Variants in MORC1 observed in about 807,000 individuals in gnomAD.
The protein encoded by MORC1 is MORC family CW-type zinc finger 1, also known as MORC family CW-type zinc finger protein 1.
Under a neutral mutation model 134.9 loss-of-function variants are expected in MORC1, and 59 were observed. That is an observed-to-expected ratio of 0.44 (90% CI 0.35 to 0.54). MORC1 has a LOEUF of 0.54. Ranked by LOEUF, MORC1 falls within the 20% of genes least tolerant of loss-of-function variation. MORC1 has a pLI of 0.00. For synonymous variants in MORC1, 395 were observed against 391.7 expected (o/e 1.01, Z -0.10); for missense variants, 947 against 1,134.5 (o/e 0.83, Z 2.37).
intron 24 of MORC1, 97 bp from the exon 25 acceptor site, chr3:108,971,499 C>A: frequency 1.0e-6 from 1 of 997,418 alleles, no homozygotes; most frequent in South Asian, 1.5e-5. Context: ...TATTAAATAT[C>A]CTGGCAAAGA....
intron 9 of MORC1, among the ~76,000 whole-genome samples, chr3:109,066,332 C>A (rs1576702355): frequency 6.6e-6 from 1 of 150,416 alleles, no homozygotes; most frequent in African/African-American, 2.5e-5. Context: ...GTCGCCCAGG[C>A]TGGAGTGCAG....
chr3:109,027,808 C>G lies in MORC1; in HGVS notation c.1647G>C (p.Lys549Asn), dbSNP rs1473272516. The change falls in exon 17 of 28, where the codon AAG (lysine) becomes AAC (asparagine). Residue 549 changes from lysine to asparagine, a missense_variant. Lys to Asn is a moderately conservative substitution (Grantham distance 94). Coordinates refer to ENST00000232603, the MANE Select transcript of MORC1 (RefSeq NM_014429.4). ...ACTTTATGACCGACTCTCTAAGTTG[C>G]TTCTCTTTCTCATTTTTTGATGGTG... is the stretch of plus-strand genomic sequence containing the variant. Reference protein sequence around the residue: ...TISPSKNEKEKQLRESVIKYQ... With the variant: ...TISPSKNEKENQLRESVIKYQ... 1.2e-6 allele frequency: 2 copies of G among 1,613,904 alleles called. No homozygotes were observed. Among genetic ancestry groups the G allele is most frequent in the South Asian group, 2.2e-5 (2 of 91,082 alleles).
At chr3:109,091,129 C>T (rs1397300779) in intron 8 of MORC1, among the ~76,000 whole-genome samples, 1 of 151,976 alleles carries the variant, frequency 6.6e-6, no homozygotes, top group East Asian at 1.9e-4. Flanking sequence ...AACTATGTAC[C>T]ATTTTTTAAC....
intron 8 of MORC1, among the ~76,000 whole-genome samples, chr3:109,088,205 A>G (rs996150931): frequency 5.3e-5 from 8 of 152,154 alleles, no homozygotes; most frequent in African/African-American, 1.9e-4. Flanking sequence ...CTATTACAAC[A>G]AAAGCAAAAA....
chr3:109,105,637 C>T (rs1374874998), intron 3 of MORC1, among the ~76,000 whole-genome samples: 1 of 150,456 alleles, frequency 6.6e-6, no homozygotes, highest in Non-Finnish European at 1.5e-5. Context: ...TATGATCACA[C>T]CACTGCACTC....
chr3:108,972,875 A>C (rs966734158), intron 24 of MORC1, among the ~76,000 whole-genome samples: 1 of 152,188 alleles, frequency 6.6e-6, no homozygotes, highest in Admixed American at 6.5e-5. Context: ...TCCCCTAAGA[A>C]AACGCTCTTA....
chr3:109,013,461 G>A (rs532280862), intron 17 of MORC1, among the ~76,000 whole-genome samples: 3 of 152,262 alleles, frequency 2.0e-5, no homozygotes, highest in South Asian at 2.1e-4. Flanking sequence ...GTCCTTTCAT[G>A]TGCATTTCAC....
chr3:109,027,334 T>G (rs1336231278), intron 17 of MORC1, among the ~76,000 whole-genome samples: 1 of 152,236 alleles, frequency 6.6e-6, no homozygotes, highest in Non-Finnish European at 1.5e-5. Flanking sequence ...GTTAATAGGT[T>G]AATGTTTTTT....
chr3:108,967,647 T>C (rs558227706), intron 26 of MORC1, among the ~76,000 whole-genome samples: 3 of 152,210 alleles, frequency 2.0e-5, no homozygotes, highest in Non-Finnish European at 2.9e-5. Flanking sequence ...TTGCAAGTAA[T>C]ACATGTGACC....
intron 8 of MORC1, among the ~76,000 whole-genome samples, chr3:109,081,197 C>G (rs917634390): frequency 6.6e-6 from 1 of 152,022 alleles, no homozygotes; most frequent in African/African-American, 2.4e-5. Flanking sequence ...TTGACAGATA[C>G]AAGCTCAAAA....
chr3:109,102,652 C>T lies in MORC1; in HGVS notation c.223+1197G>A, dbSNP rs190258609. Among the ~76,000 whole-genome samples, 366 of 152,200 alleles carry T rather than the reference C, an allele frequency of 2.4e-3. 1 individual carries two copies. The highest frequency in any genetic ancestry group is 8.3e-3 in the African/African-American group (344 of 41,536). On this transcript the variant is annotated intron_variant, in intron 4 of 27. Transcript: ENST00000232603. ...AGTTCCTTCTGAAGGTCTGAATATCCGTCACTTGTCTGTGTTTCAAACATT... is the reference window on the plus strand; with the variant it reads ...AGTTCCTTCTGAAGGTCTGAATATCTGTCACTTGTCTGTGTTTCAAACATT...
chr3:109,070,176 A>G (rs1443670696), intron 8 of MORC1, among the ~76,000 whole-genome samples: 2 of 152,238 alleles, frequency 1.3e-5, no homozygotes, highest in Admixed American at 1.3e-4. Context: ...AAGTCCTTAT[A>G]AACAGAGAAA....
intron 14 of MORC1, 55 bp downstream of exon 14, chr3:109,054,673 T>C: frequency 7.3e-7 from 1 of 1,372,438 alleles, no homozygotes; most frequent in Non-Finnish European, 9.6e-7. Context: ...CTTAAAGAAA[T>C]CACAGAAAGT....
Position 109,103,831 on chromosome 3 carries a change from T to A in MORC1, c.223+18A>T, listed in dbSNP as rs746211666. ...GTTTCCTTTAACAGCCAGTTAGGTA[T>A]CTAGATAATTAACTTACCAGGGCTC... On this transcript the variant is annotated intron_variant, in intron 4 of 27. Coordinates refer to ENST00000232603, the MANE Select transcript of MORC1 (RefSeq NM_014429.4). 6.3e-7 allele frequency: 1 copy of A among 1,598,746 alleles called. No individual in the cohort carries two copies. The highest frequency in any genetic ancestry group is 8.6e-7 in the Non-Finnish European group (1 of 1,166,094).
Position 109,041,570 on chromosome 3 carries a change from C to T in MORC1, c.1331-6102G>A, listed in dbSNP as rs548130200. Among the ~76,000 whole-genome samples, 115 of 152,028 alleles carry T rather than the reference C, an allele frequency of 7.6e-4. No homozygotes were observed. The Middle Eastern group carries it at 0.014, about 18-fold the overall frequency. On this transcript the variant is annotated intron_variant, in intron 14 of 27. Transcript: ENST00000232603. ...TACTAAAAATGCAAAAAAATTAGCC[C>T]GGGCGCCATGGCTCAAGCCTGTAAT...
intron 17 of MORC1, among the ~76,000 whole-genome samples, chr3:109,015,503 T>C (rs868614034): frequency 1.8e-4 from 27 of 152,342 alleles, no homozygotes; most frequent in African/African-American, 6.0e-4. Context: ...ACTTTCACTT[T>C]GTAACTCCAG....
At position 109,118,015 on chromosome 3, in the gene MORC1, C is replaced by T; in HGVS notation, c.45G>A (p.Leu15=). 6.2e-7 allele frequency: 1 copy of T among 1,608,522 alleles called. No individual in the cohort carries two copies. The highest frequency in any genetic ancestry group is 8.5e-7 in the Non-Finnish European group (1 of 1,177,846). ...CTCACGAGTTGGCGTGGATGAAATC[C>T]AGACGCAGCTGGGCCCGCTGAAGCG... is the stretch of plus-strand genomic sequence containing the variant. ...YPALQRAQLR[L]DFIHANSTTH... is the part of the protein sequence containing the mutation. Residue 15 remains leucine (L), a synonymous_variant, in exon 1 of 28, where the codon CTG becomes CTA. Transcript: ENST00000232603.
rs1038462183 is a variant in MORC1, at chr3:108,979,640, C to A, written c.2352G>T (p.Val784=). 6.2e-7 allele frequency: 1 copy of A among 1,614,114 alleles called. No individual in the cohort carries two copies. The highest frequency in any genetic ancestry group is 1.3e-5 in the African/African-American group (1 of 75,060). The change falls in exon 24 of 28, where the codon GTG becomes GTT. Residue 784 remains valine, a synonymous_variant. Coordinates refer to ENST00000232603, the MANE Select transcript of MORC1 (RefSeq NM_014429.4). ...TGGCTATGTGTCCAGAACTTAGATTCACATCTTCCATCGGCACATTGAGCA... is the reference window on the plus strand; with the variant it reads ...TGGCTATGTGTCCAGAACTTAGATTAACATCTTCCATCGGCACATTGAGCA... The part of the protein sequence containing the change: ...KSLLNVPMED[V]NLSSGHIARV...
intron 16 of MORC1, among the ~76,000 whole-genome samples, chr3:109,030,311 T>A (rs1333056102): frequency 6.6e-6 from 1 of 152,178 alleles, no homozygotes; most frequent in Non-Finnish European, 1.5e-5. Flanking sequence ...CTAGCAATAA[T>A]GTATTTTGAA....
Sources: allele counts gnomAD v4.1 joint callset (sites outside exome capture counted in the v4.1 genomes callset), GRCh38; gene constraint gnomAD v4.1.1; transcripts MANE v1.5; gene names NCBI Gene and HGNC (gene_info 2026-07-23, HGNC 2026-07-21).